Variants in TASOR2 observed in about 807,000 individuals in gnomAD.
TASOR2 encodes transcription activation suppressor family member 2.
Under a neutral mutation model 199.5 loss-of-function variants are expected in TASOR2, and 84 were observed. That is an observed-to-expected ratio of 0.42 (90% CI 0.35 to 0.50). The LOEUF (loss-of-function observed/expected upper bound fraction) is 0.50. Ranked by LOEUF, TASOR2 falls within the 20% of genes least tolerant of loss-of-function variation. The pLI is 0.02. For synonymous variants in TASOR2, 1,103 were observed against 1,046.6 expected (o/e 1.05, Z -1.04); for missense variants, 2,796 against 2,835.9 (o/e 0.99, Z 0.32).
intron 11 of TASOR2, among the ~76,000 whole-genome samples, chr10:5,732,020 G>A (rs138349833): frequency 2.0e-4 from 31 of 152,348 alleles, no homozygotes; most frequent in African/African-American, 7.2e-4. Context: ...TGGATTATTC[G>A]TGTGGTTTTG....
chr10:5,746,808 A>G (rs377250379), exon 15 of TASOR2: 2 of 1,614,216 alleles, frequency 1.2e-6, no homozygotes, highest in Non-Finnish European at 8.5e-7. Context: ...CCTCGTCAGT[A>G]GGTGGAGAGA....
chr10:5,742,181 G>A lies in TASOR2; in HGVS notation c.2412G>A (p.Gln804=), dbSNP rs1028917379. 6.2e-7 allele frequency: 1 copy of A among 1,614,136 alleles called. No individual in the cohort carries two copies. The highest frequency in any genetic ancestry group is 8.5e-7 in the Non-Finnish European group (1 of 1,180,014). The change falls in exon 14 of 21, where the codon CAG becomes CAA. Residue 804 remains glutamine, a synonymous_variant. Transcript: ENST00000328090. The surrounding 1 kb of genome is among the most constrained non-coding windows in gnomAD (Gnocchi z 4.2). ...GGGTAGCTCTGTTTTACAGCAATCA[G>A]AACAAAATCATACGATCTTCCCGAA... is the stretch of plus-strand genomic sequence containing the variant.
chr10:5,700,812 G>GTT, intron 1 of TASOR2, among the ~76,000 whole-genome samples: 1 of 151,810 alleles, frequency 6.6e-6, no homozygotes, highest in Admixed American at 6.6e-5. Flanking sequence ...GTGTGTGTGT[G>GTT]TGTTTGCTTG....
At chr10:5,686,191 T>C (rs1034138101) in intron 1 of TASOR2, among the ~76,000 whole-genome samples, 1 of 152,214 alleles carries the variant, frequency 6.6e-6, no homozygotes, top group African/African-American at 2.4e-5. Flanking sequence ...CACAATTATG[T>C]TAAGGAAGAC....
rs1838478777 is a variant in TASOR2, at chr10:5,754,077, G to A, written c.6607-2536G>A. 6.6e-6 allele frequency among the ~76,000 whole-genome samples: 1 copy of A among 152,136 alleles called. No homozygotes were observed. Among genetic ancestry groups the A allele is most frequent in the South Asian group, 2.1e-4 (1 of 4,834 alleles). On this transcript the variant is annotated intron_variant, in intron 15 of 20. Coordinates refer to ENST00000328090, the Ensembl canonical transcript of TASOR2. This position sits in a 1 kb window ranked among gnomAD's most constrained non-coding sequence, Gnocchi z 4.3. ...CCCAGCACTTTGGGAGGCCGAGGCA[G>A]GTGGATCACCTGAAGTCAGGAGTTG... is the stretch of plus-strand genomic sequence containing the variant.
chr10:5,724,630 T>TAC, intron 8 of TASOR2, 97 bp downstream of exon 9: 1 of 82,546 alleles, frequency 1.2e-5, no homozygotes, highest in Non-Finnish European at 2.2e-5. Context: ...ATTATATATA[T>TAC]ATATAGATAG....
rs1588669067 is a variant in TASOR2 at position 5,710,390 on chromosome 10, T to C, written c.-287-2433T>C. Among the ~76,000 whole-genome samples the C allele has an allele frequency of 2.6e-5, 4 of 152,290 alleles. No homozygotes were observed. Among genetic ancestry groups the C allele is most frequent in the Middle Eastern group, 6.8e-3 (2 of 294 alleles). On this transcript the variant is annotated intron_variant, in intron 1 of 20. Coordinates refer to ENST00000328090, the Ensembl canonical transcript of TASOR2. This position sits in a 1 kb window ranked among gnomAD's most constrained non-coding sequence, Gnocchi z 4.6. Reference sequence around the variant, plus strand: ...AGAATACTGGCCTAAAGTGGAAGCATTTTTAACCATAAATAAATAGTTCTG... The same window carrying C: ...AGAATACTGGCCTAAAGTGGAAGCACTTTTAACCATAAATAAATAGTTCTG...
intron 11 of TASOR2, among the ~76,000 whole-genome samples, chr10:5,731,492 C>T (rs2131594664): frequency 6.6e-6 from 1 of 152,344 alleles, no homozygotes. Flanking sequence ...CACGCCATTG[C>T]GCTCCCGCCT....
rs767905726 is a variant in TASOR2, at chr10:5,740,307, G to A, written c.2137G>A (p.Asp713Asn). The A allele has an allele frequency of 1.3e-5, 21 of 1,614,174 alleles. 1 individual carries two copies. In the South Asian group the frequency reaches 1.5e-4, roughly 12 times the overall value. Residue 713 changes from aspartate (D) to asparagine (N), a missense_variant, in exon 13 of 21, where the codon GAC becomes AAC. This residue lies in a region of TASOR2 where 847 missense variants were observed against 887.4 expected (regional missense o/e 0.95). Transcript: ENST00000328090. This position sits in a 1 kb window ranked among gnomAD's most constrained non-coding sequence, Gnocchi z 5.3. ...TTTGCTTCAGCAAAAGCCTCCTGAC[G>A]ACCCCGTGGTGAAGCCCAAGGATCG...
At chr10:5,731,043 G>A (rs1834742256) in exon 11 of TASOR2, 13 of 1,614,116 alleles carry the variant, frequency 8.1e-6, no homozygotes, top group Non-Finnish European at 1.1e-5. Flanking sequence ...TGAGAGTGCA[G>A]CCTAAGAGGA....
chr10:5,730,945 G>A lies in TASOR2; in HGVS notation c.946G>A (p.Val316Met), dbSNP rs1263666537. Residue 316 changes from valine to methionine, a missense_variant, in exon 11 of 21, where the codon GTG becomes ATG. By Grantham distance (21) the Val-to-Met change is conservative (BLOSUM62 1). Coordinates refer to ENST00000328090, the Ensembl canonical transcript of TASOR2. This position sits in a 1 kb window ranked among gnomAD's most constrained non-coding sequence, Gnocchi z 4.1. The stretch of plus-strand genomic sequence containing the variant: ...TGAATTTCTTGTCTCAGAGGCAGAA[G>A]TGAGAAAAGAAACTGAAACAAAAAA... 7 of 1,614,038 alleles carry A rather than the reference G, an allele frequency of 4.3e-6. No homozygotes were observed. Among genetic ancestry groups the A allele is most frequent in the Non-Finnish European group, 5.9e-6 (7 of 1,180,038 alleles).
chr10:5,763,289 G>A (rs1840164381), exon 21 of TASOR2: 2 of 379,274 alleles, frequency 5.3e-6, no homozygotes, highest in Non-Finnish European at 9.3e-6. Flanking sequence ...TGCCTTCTAA[G>A]CTATTGAGCT....
Position 5,740,036 on chromosome 10 carries a change from T to C in TASOR2, c.1866T>C (p.Pro622=). 2 of 1,614,100 alleles carry C rather than the reference T, an allele frequency of 1.2e-6. No individual in the cohort carries two copies. Among genetic ancestry groups the C allele is most frequent in the Admixed American group, 1.7e-5 (1 of 60,028 alleles). ...GCCAAGATGAAGAAAGCTTGGTTCCTTGTAGTCAGGCCCCTGCTAAAGCCC... is the reference window on the plus strand; with the variant it reads ...GCCAAGATGAAGAAAGCTTGGTTCCCTGTAGTCAGGCCCCTGCTAAAGCCC... The change falls in exon 13 of 21, where the codon CCT becomes CCC. Residue 622 remains proline, a synonymous_variant. Transcript: ENST00000328090. This position sits in a 1 kb window ranked among gnomAD's most constrained non-coding sequence, Gnocchi z 5.3.
intron 7 of TASOR2, 61 bp downstream of exon 8, chr10:5,723,838 C>G: frequency 9.2e-7 from 1 of 1,084,704 alleles, no homozygotes; most frequent in Non-Finnish European, 1.3e-6. Context: ...ATTTTCTGCT[C>G]TCTTCCAAAC....
At chr10:5,712,444 T>A (rs974547473) in intron 1 of TASOR2, 4 of 1,231,638 alleles carry the variant, frequency 3.2e-6, no homozygotes, top group East Asian at 6.3e-5. Flanking sequence ...GAGGGCAGTT[T>A]CACTCCTCCA....
exon 15 of TASOR2, chr10:5,749,645 A>G (rs1837738617): frequency 5.0e-6 from 8 of 1,614,080 alleles, no homozygotes; most frequent in South Asian, 1.1e-5. Flanking sequence ...AGATGTAGTC[A>G]TAATAGAGAT....
exon 15 of TASOR2, chr10:5,747,411 T>C (rs1447921269): frequency 2.5e-6 from 4 of 1,614,012 alleles, no homozygotes; most frequent in Middle Eastern, 1.6e-4. Flanking sequence ...AAGAGGTGGC[T>C]CTCACAGAAA....
intron 1 of TASOR2, among the ~76,000 whole-genome samples, chr10:5,692,149 C>CGAAAAA (rs1836504403): frequency 8.9e-6 from 1 of 112,270 alleles, no homozygotes; most frequent in African/African-American, 3.5e-5. Context: ...CACTCTGTCT[C>CGAAAAA]AAAAAAAAAA....
At chr10:5,753,020 T>C (rs1838297390) in intron 15 of TASOR2, among the ~76,000 whole-genome samples, 1 of 152,246 alleles carries the variant, frequency 6.6e-6, no homozygotes, top group Non-Finnish European at 1.5e-5. Context: ...TAAAGGTTTT[T>C]TTTTCAAGTG....
Sources: allele counts gnomAD v4.1 joint callset (sites outside exome capture counted in the v4.1 genomes callset), GRCh38; gene constraint gnomAD v4.1.1; regional missense constraint gnomAD v4.1.1; non-coding constraint Gnocchi (gnomAD v3.1); transcripts MANE v1.5; gene names NCBI Gene and HGNC (gene_info 2026-07-23, HGNC 2026-07-21).